Variants in CYP2R1 observed in about 807,000 individuals in gnomAD.
The protein encoded by CYP2R1 is cytochrome P450 family 2 subfamily R member 1.
Under a neutral mutation model 45.7 loss-of-function variants are expected in CYP2R1, and 40 were observed. The ratio of observed to expected loss-of-function variants is 0.87; its 90% CI spans 0.68 to 1.14. The LOEUF is 1.14. Among genes scored for constraint, CYP2R1 ranks in the 50% most tolerant of loss-of-function variants. The pLI is 0.00. For synonymous variants in CYP2R1, 234 were observed against 219.3 expected (o/e 1.07, Z -0.59); for missense variants, 605 against 602.6 (o/e 1.00, Z -0.04).
chr11:14,891,136 G>C, intron 1 of CYP2R1: 1 of 985,456 alleles, frequency 1.0e-6, no homozygotes, highest in Non-Finnish European at 1.2e-6. Context: ...GCCCCCTCCG[G>C]ACGTCGGGAC....
intron 2 of CYP2R1, among the ~76,000 whole-genome samples, chr11:14,882,869 A>G (rs946327959): frequency 9.9e-5 from 15 of 152,214 alleles, no homozygotes; most frequent in African/African-American, 3.6e-4. Flanking sequence ...AAAAATCACA[A>G]GCATTCTTAT....
At chr11:14,885,672 T>G (rs1221776810) in intron 2 of CYP2R1, 104 bp downstream of exon 2, 1 of 1,211,452 alleles carries the variant, frequency 8.3e-7, no homozygotes, top group Non-Finnish European at 1.2e-6. Flanking sequence ...TAGTTTCTTA[T>G]TAATCAGTAT....
In CYP2R1 at chr11:14,879,442, T is replaced by C. The variant is rs1555011102; in HGVS notation, c.1002A>G (p.Gly334=). The change falls in exon 4 of 5, where the codon GGA becomes GGG. Residue 334 remains glycine (G), a splice_region_variant and synonymous_variant. Coordinates refer to ENST00000334636, the MANE Select transcript of CYP2R1 (RefSeq NM_024514.5). ...TTAAATCAATCTCTTTCTGAACTTG[T>C]CCTGTCAGAGAAAAAGTATTCAAGT... ...LFMALYPNIQ[G]QVQKEIDLIM... is the part of the protein sequence containing the mutation. 3 of 1,598,308 alleles carry C rather than the reference T, an allele frequency of 1.9e-6. No individual in the cohort carries two copies. Among genetic ancestry groups the C allele is most frequent in the Middle Eastern group, 1.7e-4 (1 of 5,722 alleles).
In CYP2R1 at chr11:14,878,136, C is replaced by G. The variant is rs1555010245; in HGVS notation, c.1492G>C (p.Ala498Pro). Residue 498 changes from alanine (A) to proline (P), a missense_variant, in exon 5 of 5, where the codon GCT becomes CCT. Physicochemically the swap from Ala to Pro is conservative, Grantham distance 27. Transcript: ENST00000334636. ...CCCAGGCAGTTTCAGCGTCTTTCAG[C>G]ACAGATGAGGTAGGGTTGGGGCTGC... ...TLQPQPYLICAERR is the reference protein window; with the variant it reads ...TLQPQPYLICPERR 1 of 1,613,052 alleles carries G rather than the reference C, an allele frequency of 6.2e-7. No homozygotes were observed. Among genetic ancestry groups the G allele is most frequent in the East Asian group, 2.2e-5 (1 of 44,862 alleles).
At chr11:14,886,011 G>A (rs1565185187) in intron 1 of CYP2R1, 94 bp from the exon 2 acceptor site, 2 of 1,262,386 alleles carry the variant, frequency 1.6e-6, no homozygotes, top group Non-Finnish European at 2.3e-6. Flanking sequence ...GGCTCTTCCA[G>A]GATTTGTTAC....
intron 1 of CYP2R1, among the ~76,000 whole-genome samples, chr11:14,889,565 C>T (rs1332106252): frequency 1.3e-5 from 2 of 152,092 alleles, no homozygotes; most frequent in Non-Finnish European, 2.9e-5. Context: ...CAGCTAGTAA[C>T]AGTTTGGCCC....
intron 2 of CYP2R1, among the ~76,000 whole-genome samples, chr11:14,881,041 A>G (rs574645101): frequency 1.3e-5 from 2 of 152,108 alleles, no homozygotes; most frequent in African/African-American, 4.8e-5. Context: ...ACCTGGTGAA[A>G]TAGGCCCAGG....
At chr11:14,891,683 C>CGGCGCA (rs1342909268) in intron 1 of CYP2R1, 41 of 1,177,188 alleles carry the variant, frequency 3.5e-5, no homozygotes, top group South Asian at 4.7e-5. Flanking sequence ...GCGAGCCAAA[C>CGGCGCA]GGCGCAGGCG....
At chr11:14,880,106 A>G (rs782427178) in intron 3 of CYP2R1, 30 bp downstream of exon 3, 1 of 1,610,826 alleles carries the variant, frequency 6.2e-7, no homozygotes, top group South Asian at 1.1e-5. Flanking sequence ...ATGTAAGGAT[A>G]GACCCTGAGA....
chr11:14,886,467 A>G (rs559025245), intron 1 of CYP2R1: 1 of 155,790 alleles, frequency 6.4e-6, no homozygotes, highest in East Asian at 1.9e-4. Flanking sequence ...CACAAAGTGA[A>G]TGAAGAGGGC....
At position 14,880,767 on chromosome 11, in the gene CYP2R1, G is replaced by T. The variant is rs1376775526; in HGVS notation, c.369C>A (p.Gly123=). Residue 123 remains glycine, a splice_region_variant and synonymous_variant, in exon 3 of 5, where the codon GGC becomes GGA. Transcript: ENST00000334636. ...PLFMKMTKMG[G]LLNSRYGRGW... Reference sequence around the variant, plus strand: ...CTCGGCCATATCTGGAATTGAGTAAGCCTGAAAAAAAATATTAAAATATTG... The same window carrying T: ...CTCGGCCATATCTGGAATTGAGTAATCCTGAAAAAAAATATTAAAATATTG... 12 of 1,604,780 alleles carry T rather than the reference G, an allele frequency of 7.5e-6. No homozygotes were observed. In the African/African-American group the frequency reaches 1.2e-4, roughly 16 times the overall value.
At chr11:14,891,248 A>G (rs1277253809) in intron 1 of CYP2R1, 1 of 984,974 alleles carries the variant, frequency 1.0e-6, no homozygotes, top group South Asian at 4.7e-5. Context: ...TACCGACCTC[A>G]CCGGCTGGTT....
chr11:14,890,616 G>C (rs1187180136), intron 1 of CYP2R1: 9 of 202,346 alleles, frequency 4.4e-5, no homozygotes, highest in Non-Finnish European at 7.5e-6. Flanking sequence ...GCGCGATCTC[G>C]GCTCACTGAA....
chr11:14,879,772 G>A (rs1279658787), intron 3 of CYP2R1, among the ~76,000 whole-genome samples: 2 of 152,084 alleles, frequency 1.3e-5, no homozygotes, highest in East Asian at 3.9e-4. Flanking sequence ...GCTCTATTGT[G>A]AAAGACATAA....
intron 3 of CYP2R1, 29 bp from the exon 4 acceptor site, chr11:14,879,472 A>C (rs781874966): frequency 4.5e-6 from 7 of 1,545,274 alleles, no homozygotes; most frequent in Middle Eastern, 2.0e-4. Context: ...TCAAGTTATT[A>C]TGCAGTTCTT....
upstream of CYP2R1, chr11:14,892,393 C>T (rs1555017573): frequency 1.6e-6 from 1 of 626,434 alleles, no homozygotes; most frequent in African/African-American, 1.8e-5. Context: ...TGAGAGTGGA[C>T]TTTGCGGAGC....
At chr11:14,882,036 C>T (rs2134033275) in intron 2 of CYP2R1, among the ~76,000 whole-genome samples, 1 of 152,176 alleles carries the variant, frequency 6.6e-6, no homozygotes, top group Middle Eastern at 3.4e-3. Flanking sequence ...TAAAAAGTTA[C>T]TGTAAGGGGG....
chr11:14,891,772 C>T, intron 1 of CYP2R1: 1 of 1,388,134 alleles, frequency 7.2e-7, no homozygotes, highest in Non-Finnish European at 9.3e-7. Flanking sequence ...GGGTCACCGG[C>T]AGGGGCGGGG....
upstream of CYP2R1, chr11:14,892,270 C>G: frequency 1.0e-5 from 15 of 1,476,556 alleles, no homozygotes; most frequent in Non-Finnish European, 1.4e-5. Context: ...TCCAGCCCTG[C>G]CATACTCCCA....
Sources: gnomAD v4.1 joint callset for allele counts (sites outside exome capture counted in the v4.1 genomes callset) on GRCh38, gnomAD v4.1.1 for gene constraint, MANE v1.5 for transcripts, NCBI Gene and HGNC (gene_info 2026-07-23, HGNC 2026-07-21) for gene names.